The following PRKG1 variants were observed in gnomAD, a reference collection of about 807,000 sequenced individuals.
The protein encoded by PRKG1 is cGMP-dependent protein kinase 1.
Under a neutral mutation model 88.1 loss-of-function variants are expected in PRKG1, and 35 were observed. The ratio of observed to expected loss-of-function variants is 0.40; its 90% CI spans 0.30 to 0.53. PRKG1 has a LOEUF of 0.53. PRKG1 is among the 20% of genes least tolerant of loss of function. The pLI, the probability that PRKG1 is intolerant of heterozygous loss-of-function variation, is 0.59. For missense variants in PRKG1, 540 were observed against 839.8 expected (o/e 0.64, Z 4.41); for synonymous variants, 303 against 292.5 (o/e 1.04, Z -0.37).
chr10:51,602,730 ATATGTGTGTG>A (rs1398738062), intron 3 of PRKG1, among the ~76,000 whole-genome samples: 2 of 41,812 alleles, frequency 4.8e-5, no homozygotes, highest in Non-Finnish European at 4.2e-5. Context: ...TGATTAATAT[ATATGTGTGTG>A]TGTGTGTGTG....
At chr10:52,266,129 T>A (rs1239874283) in intron 10 of PRKG1, among the ~76,000 whole-genome samples, 1 of 151,928 alleles carries the variant, frequency 6.6e-6, no homozygotes, top group Non-Finnish European at 1.5e-5. Flanking sequence ...CAATTACCCC[T>A]ATTATTGACA....
At chr10:52,024,001 G>A (rs1295504568) in intron 5 of PRKG1, among the ~76,000 whole-genome samples, 1 of 152,120 alleles carries the variant, frequency 6.6e-6, no homozygotes, top group Non-Finnish European at 1.5e-5. Flanking sequence ...CCTGTGTCCT[G>A]AATGGTATTG....
chr10:51,445,208 A>G (rs186643552), intron 2 of PRKG1, among the ~76,000 whole-genome samples: 2 of 151,920 alleles, frequency 1.3e-5, no homozygotes, highest in Non-Finnish European at 2.9e-5. Context: ...AACATAAAGG[A>G]AACAAAGTGT....
intron 3 of PRKG1, among the ~76,000 whole-genome samples, chr10:51,640,825 T>C (rs1467039924): frequency 6.7e-6 from 1 of 148,886 alleles, no homozygotes; most frequent in East Asian, 1.9e-4. Flanking sequence ...AATAGATGTA[T>C]ATGTCTCTTT....
intron 3 of PRKG1, among the ~76,000 whole-genome samples, chr10:51,475,212 C>G (rs1840157349): frequency 1.3e-5 from 2 of 151,952 alleles, no homozygotes; most frequent in Non-Finnish European, 2.9e-5. Flanking sequence ...TGCCTACTAC[C>G]CATACCTAAT....
intron 3 of PRKG1, among the ~76,000 whole-genome samples, chr10:51,618,888 C>A (rs1323598614): frequency 2.0e-5 from 3 of 151,828 alleles, no homozygotes; most frequent in Non-Finnish European, 4.4e-5. Flanking sequence ...CCCACCTCAG[C>A]CTCAAGAGTA....
chr10:52,250,833 C>T (rs1841151996), intron 9 of PRKG1, among the ~76,000 whole-genome samples: 1 of 152,076 alleles, frequency 6.6e-6, no homozygotes, highest in African/African-American at 2.4e-5. Context: ...TGCATGTGTG[C>T]ATAGTTAGAC....
chr10:51,544,954 T>C (rs955863236), intron 3 of PRKG1, among the ~76,000 whole-genome samples: 1 of 151,662 alleles, frequency 6.6e-6, no homozygotes, highest in Non-Finnish European at 1.5e-5. Flanking sequence ...TCACTGGCCA[T>C]CAGAGAAATG....
At chr10:51,354,576 A>C (rs1842325242) in intron 2 of PRKG1, among the ~76,000 whole-genome samples, 1 of 152,136 alleles carries the variant, frequency 6.6e-6, no homozygotes, top group Non-Finnish European at 1.5e-5. Flanking sequence ...AATACAACAA[A>C]TGTAAAAATC....
At chr10:51,536,204 C>T (rs1359023308) in intron 3 of PRKG1, among the ~76,000 whole-genome samples, 1 of 152,158 alleles carries the variant, frequency 6.6e-6, no homozygotes, top group Non-Finnish European at 1.5e-5. Context: ...CCCAGAGTCA[C>T]ACATCAGCTA....
intron 4 of PRKG1, among the ~76,000 whole-genome samples, chr10:51,893,977 T>G (rs1841782699): frequency 6.6e-6 from 1 of 152,168 alleles, no homozygotes; most frequent in Non-Finnish European, 1.5e-5. Flanking sequence ...CAAGTGTAAG[T>G]GCTATTCAGG....
At chr10:51,499,493 A>G in intron 3 of PRKG1, among the ~76,000 whole-genome samples, 1 of 152,228 alleles carries the variant, frequency 6.6e-6, no homozygotes, top group East Asian at 1.9e-4. Flanking sequence ...GGAATTTTAT[A>G]TCATGTAATT....
intron 3 of PRKG1, among the ~76,000 whole-genome samples, chr10:51,679,308 C>T (rs578000515): frequency 3.9e-5 from 6 of 152,034 alleles, no homozygotes; most frequent in Non-Finnish European, 5.9e-5. Flanking sequence ...CTCTTTCTTT[C>T]TTTCTTTTTC....
At chr10:51,511,726 G>A (rs1179534890) in intron 3 of PRKG1, among the ~76,000 whole-genome samples, 3 of 152,172 alleles carry the variant, frequency 2.0e-5, no homozygotes, top group Non-Finnish European at 2.9e-5. Context: ...TTGCTTAGGA[G>A]AATGTAAATT....
At chr10:52,145,758 A>C (rs1463907575) in intron 8 of PRKG1, among the ~76,000 whole-genome samples, 1 of 152,208 alleles carries the variant, frequency 6.6e-6, no homozygotes, top group East Asian at 1.9e-4. Context: ...CAGCTGGGTC[A>C]TAAAGATCTA....
chr10:51,038,166 A>G (rs1843377068), intron 1 of PRKG1, among the ~76,000 whole-genome samples: 1 of 152,232 alleles, frequency 6.6e-6, no homozygotes, highest in Non-Finnish European at 1.5e-5. Flanking sequence ...CTTACTCTAC[A>G]CATTGCGCAA....
chr10:51,606,824 A>C (rs1838778884), intron 3 of PRKG1, among the ~76,000 whole-genome samples: 2 of 152,168 alleles, frequency 1.3e-5, no homozygotes, highest in Admixed American at 6.5e-5. Context: ...TCCTATATTC[A>C]GAAGGGAGCA....
intron 3 of PRKG1, among the ~76,000 whole-genome samples, chr10:51,694,326 CAAG>C (rs368889438): frequency 6.6e-6 from 1 of 152,162 alleles, no homozygotes; most frequent in Non-Finnish European, 1.5e-5. Context: ...CATGGAAAAA[CAAG>C]AAGCTCTGCA....
intron 8 of PRKG1, among the ~76,000 whole-genome samples, chr10:52,160,576 T>C (rs1838251406): frequency 1.3e-5 from 2 of 151,974 alleles, no homozygotes; most frequent in Non-Finnish European, 2.9e-5. Flanking sequence ...AAGTAACAGC[T>C]TCTCCCTTCC....
Sources: allele counts gnomAD v4.1 joint callset (sites outside exome capture counted in the v4.1 genomes callset), GRCh38; gene constraint gnomAD v4.1.1; transcripts MANE v1.5; gene names NCBI Gene and HGNC (gene_info 2026-07-23, HGNC 2026-07-21).